The following CRACD variants were observed in gnomAD, a reference collection of about 807,000 sequenced individuals.
CRACD encodes the protein capping protein inhibiting regulator of actin dynamics.
In CRACD, 56 loss-of-function variants were observed where a neutral mutation model predicts 106.8. The observed-to-expected ratio is 0.52, with a 90% CI of 0.42 to 0.66. CRACD has a LOEUF of 0.66. Ranked by LOEUF, CRACD falls within the 30% of genes least tolerant of loss-of-function variation. The pLI is 0.00. For synonymous variants in CRACD, 754 were observed against 670.8 expected (o/e 1.12, Z -1.92); for missense variants, 1,730 against 1,623.2 (o/e 1.07, Z -1.13).
intron 3 of CRACD, among the ~76,000 whole-genome samples, chr4:56,294,786 C>CA: frequency 6.6e-6 from 1 of 151,564 alleles, no homozygotes; most frequent in Non-Finnish European, 1.5e-5. Flanking sequence ...TGGTGGTGGG[C>CA]ACCTGTAATC....
intron 1 of CRACD, among the ~76,000 whole-genome samples, chr4:56,142,900 G>T (rs13143494): frequency 2.0e-5 from 3 of 151,674 alleles, no homozygotes; most frequent in Non-Finnish European, 2.9e-5. Flanking sequence ...GATTATTTTG[G>T]ATATTACTGT....
chr4:56,071,414 C>T (rs1732641849), intron 1 of CRACD, among the ~76,000 whole-genome samples: 1 of 152,036 alleles, frequency 6.6e-6, no homozygotes, highest in African/African-American at 2.4e-5. Flanking sequence ...ATTGTATCTA[C>T]CTTGTCAATG....
intron 2 of CRACD, among the ~76,000 whole-genome samples, chr4:56,183,133 T>C (rs1385400438): frequency 1.3e-5 from 2 of 151,234 alleles, no homozygotes; most frequent in Non-Finnish European, 2.9e-5. Context: ...CTCCGGAGGC[T>C]GAGGCAGGAG....
At chr4:56,118,218 A>G (rs1039508290) in intron 1 of CRACD, among the ~76,000 whole-genome samples, 3 of 151,352 alleles carry the variant, frequency 2.0e-5, no homozygotes, top group Admixed American at 1.3e-4. Context: ...ACCAGAAGGG[A>G]CCTCAGAGAT....
intron 3 of CRACD, among the ~76,000 whole-genome samples, chr4:56,283,190 C>T (rs1413817537): frequency 6.6e-6 from 1 of 152,108 alleles, no homozygotes; most frequent in Non-Finnish European, 1.5e-5. Flanking sequence ...CCTTTGCTCT[C>T]AGGCAGCAGC....
chr4:56,228,474 C>G (rs925752439), intron 2 of CRACD, among the ~76,000 whole-genome samples: 1 of 151,910 alleles, frequency 6.6e-6, no homozygotes, highest in Non-Finnish European at 1.5e-5. Flanking sequence ...CAGAATTTGC[C>G]TAAGTCGGCC....
chr4:56,123,728 C>T (rs940590786), intron 1 of CRACD, among the ~76,000 whole-genome samples: 1 of 151,646 alleles, frequency 6.6e-6, no homozygotes. Flanking sequence ...CATCCATCTT[C>T]AGAGACCACA....
At chr4:56,325,926 G>A (rs1192633180) in intron 10 of CRACD, among the ~76,000 whole-genome samples, 3 of 152,130 alleles carry the variant, frequency 2.0e-5, no homozygotes, top group Non-Finnish European at 4.4e-5. Flanking sequence ...GGCATTTTGA[G>A]GGAGAGACAG....
At chr4:56,213,329 C>T (rs2109495390) in intron 2 of CRACD, among the ~76,000 whole-genome samples, 1 of 152,200 alleles carries the variant, frequency 6.6e-6, no homozygotes, top group Non-Finnish European at 1.5e-5. Context: ...GCCTGTAATC[C>T]CAGCCACTCA....
chr4:56,205,620 A>C (rs1738087552), intron 2 of CRACD, among the ~76,000 whole-genome samples: 2 of 152,150 alleles, frequency 1.3e-5, no homozygotes, highest in Admixed American at 6.5e-5. Context: ...TTTAGAAAAA[A>C]GTACTTGTTT....
chr4:56,311,079 C>T (rs150794681), intron 6 of CRACD: 122 of 203,640 alleles, frequency 6.0e-4, no homozygotes, highest in African/African-American at 2.7e-3. Context: ...TGTAAGGAAA[C>T]GAGTCCTCTT....
At chr4:56,208,507 A>C (rs570038842) in intron 2 of CRACD, among the ~76,000 whole-genome samples, 1 of 152,332 alleles carries the variant, frequency 6.6e-6, no homozygotes, top group South Asian at 2.1e-4. Flanking sequence ...AAGGTACAGG[A>C]GAATCTATTA....
chr4:56,229,301 G>A (rs1462509050), intron 2 of CRACD, among the ~76,000 whole-genome samples: 1 of 151,998 alleles, frequency 6.6e-6, no homozygotes, highest in African/African-American at 2.4e-5. Context: ...TTTTTGCCTG[G>A]AGCCCCTTTT....
chr4:56,187,090 A>G (rs1577722259), intron 2 of CRACD, among the ~76,000 whole-genome samples: 1 of 151,948 alleles, frequency 6.6e-6, no homozygotes, highest in East Asian at 1.9e-4. Flanking sequence ...AAACAACCAG[A>G]GGCTTTGAAT....
At chr4:56,165,665 A>G (rs1156763659) in intron 1 of CRACD, among the ~76,000 whole-genome samples, 1 of 152,224 alleles carries the variant, frequency 6.6e-6, no homozygotes, top group African/African-American at 2.4e-5. Context: ...AAGCTATCCT[A>G]TTTATGTAGA....
chr4:56,099,729 T>A (rs1216607622), intron 1 of CRACD, among the ~76,000 whole-genome samples: 1 of 152,172 alleles, frequency 6.6e-6, no homozygotes, highest in Non-Finnish European at 1.5e-5. Context: ...ATGCTGGAAG[T>A]GGGACAGGCT....
chr4:56,118,740 TATAAA>T (rs139896589), intron 1 of CRACD, among the ~76,000 whole-genome samples: 34,394 of 151,682 alleles, frequency 0.23, 4,027 homozygotes, highest in Middle Eastern at 0.31. Context: ...CTAAAATATA[TATAAA>T]ATAAAATAAA....
chr4:56,325,268 G>A (rs560795350), intron 10 of CRACD, among the ~76,000 whole-genome samples: 30 of 152,342 alleles, frequency 2.0e-4, no homozygotes, highest in African/African-American at 7.2e-4. Context: ...CCAGGAAGTG[G>A]AGGTTGCAGT....
chr4:56,132,504 G>T (rs1734857241), intron 1 of CRACD, among the ~76,000 whole-genome samples: 1 of 151,730 alleles, frequency 6.6e-6, no homozygotes, highest in African/African-American at 2.4e-5. Context: ...CACCACATTT[G>T]GTTAATTTTT....
Sources: allele counts gnomAD v4.1 joint callset (sites outside exome capture counted in the v4.1 genomes callset), GRCh38; gene constraint gnomAD v4.1.1; transcripts MANE v1.5; gene names NCBI Gene and HGNC (gene_info 2026-07-23, HGNC 2026-07-21).